Variants in CHRM5 observed in about 807,000 individuals in gnomAD.
CHRM5 encodes the protein muscarinic acetylcholine receptor M5.
A neutral mutation model predicts 39.0 loss-of-function variants in CHRM5; 18 were observed. The observed-to-expected ratio is 0.46, with a 90% confidence interval of 0.32 to 0.68. The LOEUF is 0.68. Among genes scored for constraint, CHRM5 ranks in the 30% least tolerant of loss-of-function variants. The pLI is 0.04. For missense variants in CHRM5, 515 were observed against 651.1 expected, an observed-to-expected ratio of 0.79 and a Z score of 2.28; for synonymous variants, 241 against 246.3, an observed-to-expected ratio of 0.98 and a Z score of 0.20.
intron 1 of CHRM5, among the ~76,000 whole-genome samples, chr15:33,977,786 T>C (rs1224456766): frequency 6.6e-6 from 1 of 152,028 alleles, no homozygotes; most frequent in East Asian, 1.9e-4. Context: ...GAAAGGACTA[T>C]TTCAGGCCAG....
At chr15:34,041,302 A>C (rs1299048251) in intron 1 of CHRM5, among the ~76,000 whole-genome samples, 1 of 152,222 alleles carries the variant, frequency 6.6e-6, no homozygotes, top group Non-Finnish European at 1.5e-5. Context: ...AGATTGGTGC[A>C]AAAGGTACGT....
rs939577777 is a variant in CHRM5, at chr15:34,064,556, A to G, written c.*240A>G. 5.4e-6 allele frequency: 3 copies of G among 558,056 alleles called. No individual in the cohort carries two copies. The highest frequency in any genetic ancestry group is 3.2e-6 in the Non-Finnish European group (1 of 308,616). 34.6% of individuals were successfully genotyped at this position (558,056 alleles called of 1,614,324 possible). A position where few individuals can be genotyped will look rare whatever the true frequency, so the allele number is the denominator to read the frequency against. Reference sequence around the variant, plus strand: ...CATTTGATGCCAGGGGAGTTTGCCAATGAAGTAAAGGGATAGGCTCATGGC... The same window carrying G: ...CATTTGATGCCAGGGGAGTTTGCCAGTGAAGTAAAGGGATAGGCTCATGGC... On this transcript the variant is annotated 3_prime_UTR_variant, in exon 3 of 3. Transcript: ENST00000383263.
intron 1 of CHRM5, among the ~76,000 whole-genome samples, chr15:34,044,282 G>T (rs1476779916): frequency 6.6e-6 from 1 of 152,026 alleles, no homozygotes; most frequent in Non-Finnish European, 1.5e-5. Context: ...AAACAACTTA[G>T]CAAGTTTCAC....
chr15:34,047,773 T>TGG (rs1555520281), intron 2 of CHRM5, among the ~76,000 whole-genome samples: 1 of 151,716 alleles, frequency 6.6e-6, no homozygotes, highest in Non-Finnish European at 1.5e-5. Flanking sequence ...TTTTTGGAGA[T>TGG]AGTCTCACTT....
chr15:34,023,230 C>G (rs1898290305), intron 1 of CHRM5, among the ~76,000 whole-genome samples: 1 of 152,154 alleles, frequency 6.6e-6, no homozygotes, highest in Non-Finnish European at 1.5e-5. Flanking sequence ...TCTCATCCCC[C>G]ACTCAGGTTG....
chr15:34,040,643 T>C (rs1272201863), intron 1 of CHRM5, among the ~76,000 whole-genome samples: 1 of 152,168 alleles, frequency 6.6e-6, no homozygotes, highest in Non-Finnish European at 1.5e-5. Context: ...ATTACACAGT[T>C]ACAGGCCAGG....
intron 1 of CHRM5, among the ~76,000 whole-genome samples, chr15:34,041,257 G>A (rs1899464420): frequency 6.6e-6 from 1 of 152,134 alleles, no homozygotes; most frequent in Admixed American, 6.5e-5. Flanking sequence ...TTCCCTGAGA[G>A]GCAATCACCC....
rs1217263127 is a variant in CHRM5, at chr15:33,969,007, G to T, written c.-551G>T. ...CTAACTAATGCTACAGGATTATCAG[G>T]AATACAGATATAAAGACACTGCAAG... On this transcript the variant is annotated 5_prime_UTR_variant, in exon 1 of 3. An upstream open reading frame in the 5' UTR gains an earlier in-frame stop. Coordinates refer to ENST00000383263, the MANE Select transcript of CHRM5 (RefSeq NM_012125.4). The T allele has an allele frequency of 6.6e-6, 1 of 152,082 alleles. No homozygotes were observed. Among genetic ancestry groups the T allele is most frequent in the Middle Eastern group, 3.4e-3 (1 of 294 alleles). The allele number at this position is 152,082 out of a possible 1,614,324, so 9.4% of individuals were successfully genotyped here.
At chr15:34,014,292 A>G (rs1392671453) in intron 1 of CHRM5, among the ~76,000 whole-genome samples, 1 of 148,776 alleles carries the variant, frequency 6.7e-6, no homozygotes, top group Admixed American at 6.8e-5. Context: ...TGAACCCAGG[A>G]GGCAGAGATT....
intron 1 of CHRM5, chr15:34,038,730 A>T (rs573746809): frequency 6.2e-6 from 7 of 1,132,048 alleles, no homozygotes; most frequent in Middle Eastern, 3.7e-4. Context: ...CCTCGGCCCC[A>T]CTTGCCCCAG....
chr15:34,054,667 C>T lies in CHRM5; in HGVS notation c.-76+7796C>T, dbSNP rs538696976. Among the ~76,000 whole-genome samples the T allele has an allele frequency of 2.0e-5, 3 of 152,258 alleles. No homozygotes were observed. In the East Asian group the frequency reaches 5.8e-4, roughly 29 times the overall value. ...CAAGGGCACATCCAGGGAAACAACA[C>T]ACACTGGAGCCTGTGGGGGTGAGGG... is the stretch of plus-strand genomic sequence containing the variant. On this transcript the variant is annotated intron_variant, in intron 2 of 2. Transcript: ENST00000383263.
rs142308681 is a variant in CHRM5, at chr15:34,001,820, T to A, written c.-408+32670T>A. 4.8e-4 allele frequency among the ~76,000 whole-genome samples: 73 copies of A among 152,314 alleles called. No individual in the cohort carries two copies. In the East Asian group the frequency reaches 5.8e-3, roughly 12 times the overall value. On this transcript the variant is annotated intron_variant, in intron 1 of 2. Coordinates refer to ENST00000383263, the MANE Select transcript of CHRM5 (RefSeq NM_012125.4). ...GAATGCATCACTTTATTGTTCTTAG[T>A]CTGGTGCCAGCATTCAAAAATACAG...
chr15:34,063,928 C>T lies in CHRM5; in HGVS notation c.1211C>T (p.Pro404Leu), dbSNP rs1171546257. The change falls in exon 3 of 3, where the codon CCC (proline) becomes CTC (leucine). Residue 404 changes from proline to leucine, a missense_variant. By Grantham distance (98) the Pro-to-Leu change is moderately conservative. Coordinates refer to ENST00000383263, the MANE Select transcript of CHRM5 (RefSeq NM_012125.4). The surrounding 1 kb of genome is among the most constrained non-coding windows in gnomAD (Gnocchi z 4.1). The part of the protein sequence containing the change: ...NNGCHKVKIM[P>L]CPFPVAKEPS... The stretch of plus-strand genomic sequence containing the variant: ...GGCTGTCACAAGGTGAAAATCATGC[C>T]CTGCCCCTTCCCAGTGGCCAAGGAA... The T allele has an allele frequency of 1.2e-6, 2 of 1,614,136 alleles. No individual in the cohort carries two copies. Among genetic ancestry groups the T allele is most frequent in the South Asian group, 1.1e-5 (1 of 91,082 alleles).
chr15:34,053,319 A>AATATATAT (rs71119922), intron 2 of CHRM5, among the ~76,000 whole-genome samples: 134 of 42,040 alleles, frequency 3.2e-3, no homozygotes, highest in Middle Eastern at 0.022. Flanking sequence ...AAAAAAAAAA[A>AATATATAT]ATATATATAT....
intron 2 of CHRM5, among the ~76,000 whole-genome samples, chr15:34,052,597 T>G (rs1042709737): frequency 2.6e-5 from 4 of 152,170 alleles, no homozygotes; most frequent in African/African-American, 4.8e-5. Context: ...TCCAGAAAGC[T>G]CCATCATTTC....
intron 1 of CHRM5, among the ~76,000 whole-genome samples, chr15:33,979,755 G>A (rs1267577778): frequency 6.6e-6 from 1 of 152,172 alleles, no homozygotes; most frequent in African/African-American, 2.4e-5. Context: ...AGTTCGTTAG[G>A]CATCCTCAGG....
At chr15:33,989,299 C>T (rs1466922567) in intron 1 of CHRM5, among the ~76,000 whole-genome samples, 2 of 152,084 alleles carry the variant, frequency 1.3e-5, no homozygotes, top group African/African-American at 4.8e-5. Context: ...TATATTCTAA[C>T]CCAACAGTTT....
intron 1 of CHRM5, among the ~76,000 whole-genome samples, chr15:34,011,718 T>A (rs1309902210): frequency 6.6e-6 from 1 of 152,092 alleles, no homozygotes; most frequent in Non-Finnish European, 1.5e-5. Flanking sequence ...ATTCCATCTC[T>A]CTCTTTCCCT....
intron 1 of CHRM5, among the ~76,000 whole-genome samples, chr15:34,022,006 G>A (rs576457722): frequency 1.1e-4 from 17 of 152,326 alleles, no homozygotes; most frequent in Admixed American, 4.6e-4. Context: ...TGTACTTAGA[G>A]AATTCAAGTG....
Sources: gnomAD v4.1 joint callset for allele counts (sites outside exome capture counted in the v4.1 genomes callset) on GRCh38, gnomAD v4.1.1 for gene constraint, Gnocchi (gnomAD v3.1) non-coding constraint, MANE v1.5 for transcripts, NCBI Gene and HGNC (gene_info 2026-07-23, HGNC 2026-07-21) for gene names.